The following DNAJA3 variants were observed in gnomAD, a reference collection of about 807,000 sequenced individuals.
DNAJA3 encodes the protein dnaJ homolog subfamily A member 3, mitochondrial.
Under a neutral mutation model 54.9 loss-of-function variants are expected in DNAJA3, and 29 were observed. That is an observed-to-expected ratio of 0.53 (90% CI 0.39 to 0.72). DNAJA3 has a LOEUF of 0.72. Among genes scored for constraint, DNAJA3 ranks in the 30% least tolerant of loss-of-function variants. The probability of loss-of-function intolerance (pLI) is 0.00; values close to 1 mark genes in which losing one functional copy is unlikely to be tolerated. For synonymous variants in DNAJA3, 302 were observed against 251.4 expected (o/e 1.20, Z -1.90); for missense variants, 708 against 639.4 (o/e 1.11, Z -1.16).
intron 8 of DNAJA3, among the ~76,000 whole-genome samples, chr16:4,448,460 C>A (rs921568044): frequency 1.6e-4 from 25 of 152,132 alleles, no homozygotes; most frequent in African/African-American, 5.3e-4. Context: ...TCTCCTACCT[C>A]AGCCTCCTGA....
At chr16:4,434,306 C>G in intron 1 of DNAJA3, 78 bp from the exon 2 acceptor site, 1 of 1,497,922 alleles carries the variant, frequency 6.7e-7, no homozygotes, top group Non-Finnish European at 9.1e-7. Flanking sequence ...ACAGATATAG[C>G]CTGGTGGGTC....
chr16:4,448,680 T>C, intron 8 of DNAJA3, 53 bp from the exon 9 acceptor site: 1 of 1,361,218 alleles, frequency 7.3e-7, no homozygotes, highest in Non-Finnish European at 1.0e-6. Flanking sequence ...GTGAAAACTT[T>C]TTATTTGAGC....
intron 8 of DNAJA3, chr16:4,447,228 C>G: frequency 1.7e-6 from 1 of 573,756 alleles, no homozygotes; most frequent in South Asian, 2.2e-5. Context: ...CAGTTCCTGG[C>G]TGGCATCACT....
rs1428919344 is a variant in DNAJA3 at position 4,434,279 on chromosome 16, A to G, written c.212-105A>G. 5.4e-6 allele frequency: 7 copies of G among 1,289,392 alleles called. No individual in the cohort carries two copies. In the Admixed American group the frequency reaches 1.3e-4, roughly 24 times the overall value. The allele number at this position is 1,289,392 out of a possible 1,614,324, so 79.9% of individuals were successfully genotyped here. The stretch of plus-strand genomic sequence containing the variant: ...GGTGGGGACACAGCCAAACCTTATC[A>G]GTTTGTTTGTTCCTTCACAGATATA... On this transcript the variant is annotated intron_variant, in intron 1 of 11. Transcript: ENST00000262375.
intron 3 of DNAJA3, chr16:4,441,031 A>G (rs532680350): frequency 1.3e-4 from 42 of 327,848 alleles, no homozygotes; most frequent in African/African-American, 7.7e-4. Flanking sequence ...ATTCTCTACG[A>G]GGTAATGTCC....
rs926459078 is a variant in DNAJA3 at position 4,444,824 on chromosome 16, A to G, written c.996+96A>G. On this transcript the variant is annotated intron_variant, in intron 7 of 11. Coordinates refer to ENST00000262375, the MANE Select transcript of DNAJA3 (RefSeq NM_005147.6). The stretch of plus-strand genomic sequence containing the variant: ...CCCATGTAATCAAAGCTTCACAGGA[A>G]CATGTCTCGCCATTCATGTTTCTGA... The G allele has an allele frequency of 1.2e-4, 137 of 1,142,964 alleles. 1 individual carries two copies. Among genetic ancestry groups the G allele is most frequent in the Non-Finnish European group, 1.7e-4 (131 of 783,830 alleles). The allele number at this position is 1,142,964 out of a possible 1,614,324, so 70.8% of individuals were successfully genotyped here.
At chr16:4,441,630 CAA>C in intron 4 of DNAJA3, 55 bp downstream of exon 4, 3 of 1,568,552 alleles carry the variant, frequency 1.9e-6, no homozygotes, top group Non-Finnish European at 2.6e-6. Context: ...ATGGGTCAAA[CAA>C]ATTTTTTTAT....
chr16:4,451,952 C>T (rs2056984047), intron 10 of DNAJA3, among the ~76,000 whole-genome samples: 1 of 151,098 alleles, frequency 6.6e-6, no homozygotes. Context: ...CATCCATAAT[C>T]CCAGCTACTC....
Position 4,446,959 on chromosome 16 carries a change from C to G in DNAJA3, c.1070C>G (p.Ala357Gly). The G allele has an allele frequency of 6.2e-7, 1 of 1,614,194 alleles. No individual in the cohort carries two copies. Among genetic ancestry groups the G allele is most frequent in the Non-Finnish European group, 8.5e-7 (1 of 1,180,038 alleles). ...GACCTCTTTATTTCTATAGCTCAGG[C>G]TCTTCTTGGGGGTACAGCCAGAGCC... ...HSDLFISIAQ[A>G]LLGGTARAQG... The change falls in exon 8 of 12, where the codon GCT (alanine) becomes GGT (glycine). Residue 357 changes from alanine to glycine, a missense_variant. Coordinates refer to ENST00000262375, the MANE Select transcript of DNAJA3 (RefSeq NM_005147.6).
intron 3 of DNAJA3, among the ~76,000 whole-genome samples, chr16:4,439,052 C>A (rs964984155): frequency 6.7e-6 from 1 of 149,896 alleles, no homozygotes; most frequent in Non-Finnish European, 1.5e-5. Context: ...GAGTTGAGGT[C>A]TCAGCCAGGT....
Position 4,455,701 on chromosome 16 carries a change from C to T in DNAJA3, c.*169C>T, listed in dbSNP as rs2057028129. 4.9e-6 allele frequency: 5 copies of T among 1,018,902 alleles called. No homozygotes were observed. The highest frequency in any genetic ancestry group is 7.4e-6 in the Non-Finnish European group (5 of 676,006). 63.1% of individuals were successfully genotyped at this position (1,018,902 alleles called of 1,614,324 possible). A position where few individuals can be genotyped will look rare whatever the true frequency, so the allele number is the denominator to read the frequency against. ...ACAGCAAAATCATGGGACAACACCT[C>T]TCTCCACGGAAAGGTCACAGTGGAC... On this transcript the variant is annotated 3_prime_UTR_variant, in exon 12 of 12. Transcript: ENST00000262375.
At chr16:4,440,066 T>C (rs549376987) in intron 3 of DNAJA3, among the ~76,000 whole-genome samples, 10 of 151,998 alleles carry the variant, frequency 6.6e-5, no homozygotes, top group Non-Finnish European at 1.5e-4. Context: ...GCCTCCCAAG[T>C]AGCTGGAACT....
At position 4,437,483 on chromosome 16, in the gene DNAJA3, G is replaced by A. The variant is rs764832415; in HGVS notation, c.427G>A (p.Glu143Lys). Residue 143 changes from glutamate (E) to lysine (K), a missense_variant and splice_region_variant, in exon 3 of 12, where the codon GAG (glutamate) becomes AAG (lysine). By Grantham distance (56) the Glu-to-Lys change is moderately conservative. Transcript: ENST00000262375. ...EKFSQLAEAY[E>K]VLSDEVKRKQ... The stretch of plus-strand genomic sequence containing the variant: ...GTTCTCCCAGCTGGCAGAAGCCTAT[G>A]AGGTAATATGACTTCGGTGCATGCG... 1 of 1,613,498 alleles carries A rather than the reference G, an allele frequency of 6.2e-7. No individual in the cohort carries two copies. Among genetic ancestry groups the A allele is most frequent in the South Asian group, 1.1e-5 (1 of 91,056 alleles).
chr16:4,432,984 A>T (rs2056725526), intron 1 of DNAJA3, among the ~76,000 whole-genome samples: 1 of 151,730 alleles, frequency 6.6e-6, no homozygotes, highest in Non-Finnish European at 1.5e-5. Flanking sequence ...TACTAAAAAT[A>T]TGAAAAAATT....
intron 3 of DNAJA3, among the ~76,000 whole-genome samples, chr16:4,438,802 A>C (rs756227323): frequency 7.2e-5 from 11 of 152,202 alleles, no homozygotes; most frequent in African/African-American, 2.2e-4. Context: ...AAAGGGGTTC[A>C]GTATATATAG....
chr16:4,437,816 G>A (rs942812110), intron 3 of DNAJA3, among the ~76,000 whole-genome samples: 18 of 151,514 alleles, frequency 1.2e-4, no homozygotes, highest in Admixed American at 5.3e-4. Context: ...ACCAGGCGTG[G>A]TGGTGGCGCA....
intron 1 of DNAJA3, 146 bp from the exon 2 acceptor site, chr16:4,434,238 T>G: frequency 1.2e-6 from 1 of 856,552 alleles, no homozygotes; most frequent in Non-Finnish European, 1.8e-6. Flanking sequence ...GGAACTAAAA[T>G]TCTAGTTGAG....
intron 6 of DNAJA3, 119 bp downstream of exon 6, chr16:4,443,283 C>G: frequency 1.5e-6 from 2 of 1,306,558 alleles, no homozygotes; most frequent in Non-Finnish European, 2.1e-6. Flanking sequence ...TGAGTGGGCT[C>G]TTGGTAGAAG....
chr16:4,453,589 C>T (rs1363859877), intron 10 of DNAJA3, among the ~76,000 whole-genome samples: 4 of 152,048 alleles, frequency 2.6e-5, no homozygotes, highest in South Asian at 2.1e-4. Flanking sequence ...AGGTGCATGC[C>T]GCCCCTGGCT....
Sources: gnomAD v4.1 joint callset for allele counts (sites outside exome capture counted in the v4.1 genomes callset) on GRCh38, gnomAD v4.1.1 for gene constraint, MANE v1.5 for transcripts, NCBI Gene and HGNC (gene_info 2026-07-23, HGNC 2026-07-21) for gene names.